MAML2: variants seen among roughly 807,000 people sequenced by gnomAD.
The protein encoded by MAML2 is mastermind like transcriptional coactivator 2, also known as mastermind-like protein 2.
A neutral mutation model predicts 96.1 loss-of-function variants in MAML2; 22 were observed. The ratio of observed to expected loss-of-function variants is 0.23; its 90% CI spans 0.16 to 0.33. The LOEUF (loss-of-function observed/expected upper bound fraction) is 0.33, where lower values mean the gene tolerates loss of function less well. Among genes scored for constraint, MAML2 ranks in the 10% least tolerant of loss-of-function variants. The pLI is 1.00. For synonymous variants in MAML2, 561 were observed against 521.3 expected, an observed-to-expected ratio of 1.08 and a Z score of -1.04; for missense variants, 1,367 against 1,392.4, an observed-to-expected ratio of 0.98 and a Z score of 0.29.
intron 1 of MAML2, among the ~76,000 whole-genome samples, chr11:96,311,521 T>C (rs929499635): frequency 6.6e-6 from 1 of 152,186 alleles, no homozygotes; most frequent in Non-Finnish European, 1.5e-5. Flanking sequence ...GTGCTACAGA[T>C]AGCTAGAGAT....
chr11:96,153,244 G>T (rs940028715), intron 1 of MAML2, among the ~76,000 whole-genome samples: 1 of 150,186 alleles, frequency 6.7e-6, no homozygotes, highest in Non-Finnish European at 1.5e-5. Context: ...TTGCTCCTAC[G>T]CCTGTACCTT....
intron 1 of MAML2, among the ~76,000 whole-genome samples, chr11:96,195,765 T>G (rs1276557021): frequency 6.6e-6 from 1 of 152,254 alleles, no homozygotes; most frequent in African/African-American, 2.4e-5. Context: ...CAGATCTGTT[T>G]ACTTGCAAAT....
chr11:96,201,513 G>A (rs535293716), intron 1 of MAML2, among the ~76,000 whole-genome samples: 57 of 152,294 alleles, frequency 3.7e-4, no homozygotes, highest in African/African-American at 1.3e-3. Context: ...TTATATCAAG[G>A]ACCTATTTGT....
chr11:96,080,994 T>C (rs1250149535), intron 2 of MAML2, among the ~76,000 whole-genome samples: 1 of 152,132 alleles, frequency 6.6e-6, no homozygotes, highest in Non-Finnish European at 1.5e-5. Flanking sequence ...GGCATTTTAA[T>C]TATGCATTCC....
chr11:96,239,967 T>C (rs1862410849), intron 1 of MAML2, among the ~76,000 whole-genome samples: 2 of 152,186 alleles, frequency 1.3e-5, no homozygotes, highest in Admixed American at 1.3e-4. Flanking sequence ...GCTGTAGAGA[T>C]CATTGAGATT....
chr11:96,135,201 G>T (rs1860608969), intron 1 of MAML2, among the ~76,000 whole-genome samples: 1 of 152,156 alleles, frequency 6.6e-6, no homozygotes, highest in African/African-American at 2.4e-5. Context: ...CTTTGTCTCT[G>T]TTCCCCCTTT....
At chr11:96,160,216 C>T (rs773915898) in intron 1 of MAML2, among the ~76,000 whole-genome samples, 55 of 152,088 alleles carry the variant, frequency 3.6e-4, no homozygotes, top group Admixed American at 1.5e-3. Context: ...CATCAAGGCA[C>T]GGGGGAAGAG....
chr11:96,257,959 C>T (rs1195328479), intron 1 of MAML2, among the ~76,000 whole-genome samples: 3 of 151,868 alleles, frequency 2.0e-5, no homozygotes, highest in African/African-American at 7.2e-5. Flanking sequence ...TGATAAAATG[C>T]CTACAGATTT....
At chr11:96,294,564 A>C (rs1165754051) in intron 1 of MAML2, among the ~76,000 whole-genome samples, 2 of 152,250 alleles carry the variant, frequency 1.3e-5, no homozygotes, top group Non-Finnish European at 2.9e-5. Context: ...GAGACAGCAG[A>C]GATCACTATT....
chr11:96,064,530 T>C (rs1859215939), intron 2 of MAML2, among the ~76,000 whole-genome samples: 1 of 152,250 alleles, frequency 6.6e-6, no homozygotes, highest in Non-Finnish European at 1.5e-5. Context: ...TAAGTTCAAG[T>C]CCTTACTCTG....
chr11:96,026,498 G>A (rs753242718), intron 2 of MAML2, among the ~76,000 whole-genome samples: 2 of 152,128 alleles, frequency 1.3e-5, no homozygotes, highest in Non-Finnish European at 2.9e-5. Flanking sequence ...ATGCATATGT[G>A]ATAGATAAAC....
chr11:96,305,518 AAAAT>A (rs1374985915), intron 1 of MAML2, among the ~76,000 whole-genome samples: 2 of 152,222 alleles, frequency 1.3e-5, no homozygotes, highest in African/African-American at 4.8e-5. Context: ...ACTGCTCTAA[AAAAT>A]AAAGTCTATT....
At chr11:96,026,010 A>G (rs1025549615) in intron 2 of MAML2, among the ~76,000 whole-genome samples, 2 of 152,240 alleles carry the variant, frequency 1.3e-5, no homozygotes, top group African/African-American at 4.8e-5. Flanking sequence ...AGACGATCTC[A>G]CTGATTCTTC....
At chr11:96,072,781 A>G (rs905265445) in intron 2 of MAML2, among the ~76,000 whole-genome samples, 1 of 152,200 alleles carries the variant, frequency 6.6e-6, no homozygotes, top group Non-Finnish European at 1.5e-5. Flanking sequence ...GTCTAAAGCA[A>G]TGACGCCAAA....
At chr11:96,110,155 C>T (rs973065195) in intron 1 of MAML2, among the ~76,000 whole-genome samples, 5 of 151,904 alleles carry the variant, frequency 3.3e-5, no homozygotes, top group Admixed American at 1.3e-4. Flanking sequence ...GGGGCAGGTG[C>T]CAAGTTGCAA....
chr11:95,982,998 G>A (rs1166685775), intron 4 of MAML2, among the ~76,000 whole-genome samples: 1 of 152,052 alleles, frequency 6.6e-6, no homozygotes, highest in Non-Finnish European at 1.5e-5. Flanking sequence ...CATAGTAAAT[G>A]TTTTTACTAT....
At chr11:96,256,094 G>C (rs1047216480) in intron 1 of MAML2, among the ~76,000 whole-genome samples, 2 of 151,712 alleles carry the variant, frequency 1.3e-5, no homozygotes, top group African/African-American at 4.8e-5. Flanking sequence ...GGCTGGTCTC[G>C]AACTCCTGAC....
intron 1 of MAML2, among the ~76,000 whole-genome samples, chr11:96,266,196 C>A (rs942587019): frequency 2.0e-5 from 3 of 152,090 alleles, no homozygotes; most frequent in African/African-American, 7.2e-5. Context: ...GTACACCCTG[C>A]GAGGGGGACA....
chr11:96,036,897 A>G lies in MAML2; in HGVS notation c.2140-45174T>C, dbSNP rs1013901031. 4.6e-5 allele frequency among the ~76,000 whole-genome samples: 7 copies of G among 152,192 alleles called. No homozygotes were observed. The East Asian group carries it at 5.8e-4, about 13-fold the overall frequency. On this transcript the variant is annotated intron_variant, in intron 2 of 4. Transcript: ENST00000524717. ...AAAAACACCAGTGGGTTTTCTCCCT[A>G]TAGTCTCCACTCCCAGCTCAGAGGA... is the stretch of plus-strand genomic sequence containing the variant.
Sources: gnomAD v4.1 joint callset for allele counts (sites outside exome capture counted in the v4.1 genomes callset) on GRCh38, gnomAD v4.1.1 for gene constraint, MANE v1.5 for transcripts, NCBI Gene and HGNC (gene_info 2026-07-23, HGNC 2026-07-21) for gene names.